The following DHRSX variants were observed in gnomAD, a reference collection of about 807,000 sequenced individuals.
DHRSX encodes the protein polyprenol dehydrogenase.
DHRSX carries 31 observed loss-of-function variants against 34.0 expected under a neutral mutation model. The ratio of observed to expected loss-of-function variants is 0.91; its 90% CI spans 0.69 to 1.23. The LOEUF (loss-of-function observed/expected upper bound fraction) is 1.23. Among genes scored for constraint, DHRSX ranks in the 50% most tolerant of loss-of-function variants. The probability of loss-of-function intolerance (pLI) is 0.00; values close to 1 mark genes in which losing one functional copy is unlikely to be tolerated. For synonymous variants in DHRSX, 201 were observed against 183.8 expected (o/e 1.09, Z -0.76); for missense variants, 414 against 428.1 (o/e 0.97, Z 0.29).
At chrX:2,323,185 C>CAGAATAAAGA (rs2042334510) in intron 3 of DHRSX, among the ~76,000 whole-genome samples, 2 of 152,140 alleles carry the variant, frequency 1.3e-5, no homozygotes, top group Non-Finnish European at 2.9e-5. Context: ...AGTTATCCAA[C>CAGAATAAAGA]CAACAAGCAC....
intron 3 of DHRSX, among the ~76,000 whole-genome samples, chrX:2,336,130 C>T (rs1294990935): frequency 4.6e-5 from 7 of 151,838 alleles, no homozygotes; most frequent in African/African-American, 7.3e-5. Context: ...GCCTCAGCCT[C>T]CCAAGTAGCT....
chrX:2,463,352 G>A (rs2044429735), intron 1 of DHRSX, among the ~76,000 whole-genome samples: 4 of 152,096 alleles, frequency 2.6e-5, no homozygotes, highest in Admixed American at 2.0e-4. Flanking sequence ...AAGAATGAAA[G>A]GTGCACGAAG....
At chrX:2,314,486 G>GGAGGAAGGGAGGTAGGT (rs112592541) in intron 3 of DHRSX, among the ~76,000 whole-genome samples, 3 of 118,270 alleles carry the variant, frequency 2.5e-5, no homozygotes, top group African/African-American at 1.7e-4. Flanking sequence ...AGGAAGGAAG[G>GGAGGAAGGGAGGTAGGT]AAGGGAGGTA....
chrX:2,403,822 T>C (rs1244792133), intron 3 of DHRSX, among the ~76,000 whole-genome samples: 2 of 150,952 alleles, frequency 1.3e-5, no homozygotes, highest in African/African-American at 2.4e-5. Context: ...CACCACTGCA[T>C]TCTAACGTGG....
In DHRSX at chrX:2,236,557, G is replaced by A. The variant is rs565444753; in HGVS notation, c.804+6466C>T. Among the ~76,000 whole-genome samples the A allele has an allele frequency of 5.9e-5, 9 of 152,030 alleles. 1 individual carries two copies. Among genetic ancestry groups the A allele is most frequent in the African/African-American group, 1.9e-4 (8 of 41,506 alleles). On this transcript the variant is annotated intron_variant, in intron 6 of 6. Transcript: ENST00000334651. ...AGCGATTCTCCTGCCTCAGCCTCCCGAGTAGCTGGGATTACAGGCGTCCGC... is the reference window on the plus strand; with the variant it reads ...AGCGATTCTCCTGCCTCAGCCTCCCAAGTAGCTGGGATTACAGGCGTCCGC...
intron 1 of DHRSX, among the ~76,000 whole-genome samples, chrX:2,463,060 C>CCTGCTAT (rs1173157337): frequency 6.6e-6 from 1 of 152,138 alleles, no homozygotes; most frequent in African/African-American, 2.4e-5. Context: ...AGAGAAAATG[C>CCTGCTAT]GTCGTCTATG....
intron 2 of DHRSX, among the ~76,000 whole-genome samples, chrX:2,420,083 A>C (rs1055123038): frequency 1.6e-4 from 24 of 152,290 alleles, no homozygotes; most frequent in Admixed American, 9.2e-4. Flanking sequence ...ATTTCAAGAA[A>C]TTGTCATAAA....
intron 5 of DHRSX, among the ~76,000 whole-genome samples, chrX:2,265,562 A>G (rs1221601681): frequency 3.0e-4 from 36 of 120,096 alleles, no homozygotes; most frequent in East Asian, 8.5e-4. Context: ...ACCAGTGCTC[A>G]GCAGATGCAG....
At chrX:2,496,520 T>C (rs1197148654) in intron 1 of DHRSX, among the ~76,000 whole-genome samples, 1 of 152,140 alleles carries the variant, frequency 6.6e-6, no homozygotes, top group Non-Finnish European at 1.5e-5. Context: ...ATTTTAAATG[T>C]CTTGCGTGCA....
intron 1 of DHRSX, among the ~76,000 whole-genome samples, chrX:2,465,027 G>C (rs2044470655): frequency 6.6e-6 from 1 of 151,638 alleles, no homozygotes; most frequent in Non-Finnish European, 1.5e-5. Flanking sequence ...TAAGAATGCA[G>C]TCACAGGATG....
At chrX:2,422,536 C>G (rs1404064263) in intron 2 of DHRSX, among the ~76,000 whole-genome samples, 2 of 152,166 alleles carry the variant, frequency 1.3e-5, no homozygotes, top group African/African-American at 4.8e-5. Context: ...GCTGGGATTA[C>G]AGGCATGAGC....
intron 1 of DHRSX, among the ~76,000 whole-genome samples, chrX:2,478,758 G>C (rs1000822990): frequency 1.3e-5 from 2 of 151,784 alleles, no homozygotes; most frequent in Non-Finnish European, 2.9e-5. Context: ...TGCGGCCAAG[G>C]GACCACCATT....
rs775920108 is a variant in DHRSX, at chrX:2,291,545, C to A, written c.345G>T (p.Lys115Asn). Residue 115 changes from lysine to asparagine, a missense_variant, in exon 4 of 7, where the codon AAG becomes AAT. Transcript: ENST00000334651. ...SMTSIRQFVQ[K>N]FKMKKIPLHV... ...GGAGAGGAATCTTCTTCATCTTGAACTTCTGCACAAACTGCCGGATGGAAG... is the reference window on the plus strand; with the variant it reads ...GGAGAGGAATCTTCTTCATCTTGAAATTCTGCACAAACTGCCGGATGGAAG... 1.3e-5 allele frequency: 21 copies of A among 1,613,836 alleles called. No homozygotes were observed. The African/African-American group carries it at 2.5e-4, about 19-fold the overall frequency.
At chrX:2,489,857 A>C in intron 1 of DHRSX, 1 of 1,613,728 alleles carries the variant, frequency 6.2e-7, no homozygotes, top group Non-Finnish European at 8.5e-7. Flanking sequence ...CAGGCAGGGC[A>C]TGTGCACTGC....
At chrX:2,384,192 G>A (rs1245016717) in intron 3 of DHRSX, among the ~76,000 whole-genome samples, 1 of 152,182 alleles carries the variant, frequency 6.6e-6, no homozygotes, top group Admixed American at 6.5e-5. Context: ...ATGCCAAGGT[G>A]GAGAAAAGCA....
intron 1 of DHRSX, chrX:2,500,555 C>A: frequency 5.9e-6 from 1 of 170,388 alleles, no homozygotes; most frequent in Non-Finnish European, 1.2e-5. Context: ...GCCACACGCG[C>A]GGGGAGGGAA....
At position 2,220,032 on chromosome X, in the gene DHRSX, TAAAAC is replaced by T. The variant is rs1436201752; in HGVS notation, c.*1004_*1008del. 6.6e-6 allele frequency: 1 copy of T among 152,110 alleles called. No homozygotes were observed. The highest frequency in any genetic ancestry group is 2.4e-5 in the African/African-American group (1 of 41,408). 9.4% of individuals were successfully genotyped at this position (152,110 alleles called of 1,614,324 possible). A position where few individuals can be genotyped will look rare whatever the true frequency, so the allele number is the denominator to read the frequency against. On this transcript the variant is annotated 3_prime_UTR_variant, in exon 7 of 7. Transcript: ENST00000334651. ...AGTGACTACCAATTTGTTGGAGCCT[TAAAAC>T]AAGAAAGATTTATTCTCTCTCCGTT...
At position 2,375,971 on chromosome X, in the gene DHRSX, A is replaced by G. The variant is rs866570107; in HGVS notation, c.286+32774T>C. ...AGGAGCATCCCAGCATTCCCCGGAC[A>G]CAAAATGTGCCTCTCTGTGATTTTT... On this transcript the variant is annotated intron_variant, in intron 3 of 6. Transcript: ENST00000334651. 2.2e-5 allele frequency among the ~76,000 whole-genome samples: 3 copies of G among 135,858 alleles called. 1 individual carries two copies. The highest frequency in any genetic ancestry group is 7.4e-5 in the Admixed American group (1 of 13,476). The allele number at this position is 135,858 out of a possible 152,430, so 89.1% of individuals were successfully genotyped here. A position where few individuals can be genotyped will look rare whatever the true frequency, so the allele number is the denominator to read the frequency against.
chrX:2,346,276 C>T (rs1464530458), intron 3 of DHRSX, among the ~76,000 whole-genome samples: 18 of 152,014 alleles, frequency 1.2e-4, no homozygotes, highest in East Asian at 9.6e-4. Context: ...GTACCATCTT[C>T]CCCTGACTGT....
Sources: allele counts gnomAD v4.1 joint callset (sites outside exome capture counted in the v4.1 genomes callset), GRCh38; gene constraint gnomAD v4.1.1; transcripts MANE v1.5; gene names NCBI Gene and HGNC (gene_info 2026-07-23, HGNC 2026-07-21).